FAM185A: variants seen among roughly 807,000 people sequenced by gnomAD.
FAM185A encodes the protein protein FAM185A.
In FAM185A, 21 loss-of-function variants were observed where a neutral mutation model predicts 45.7. The observed-to-expected ratio is 0.46, with a 90% CI of 0.33 to 0.66. The LOEUF is 0.66. Among genes scored for constraint, FAM185A ranks in the 30% least tolerant of loss-of-function variants. The pLI, the probability that FAM185A is intolerant of heterozygous loss-of-function variation, is 0.03. For synonymous variants in FAM185A, 117 were observed against 194.0 expected (o/e 0.60, Z 3.30); for missense variants, 305 against 485.4 (o/e 0.63, Z 3.49).
rs889453028 is a variant in FAM185A at position 102,803,081 on chromosome 7, T to C, written c.1067-5209T>C. Among the ~76,000 whole-genome samples, 6 of 151,846 alleles carry C rather than the reference T, an allele frequency of 4.0e-5. 1 individual carries two copies. In the East Asian group the frequency reaches 9.7e-4, roughly 24 times the overall value. On this transcript the variant is annotated intron_variant, in intron 7 of 7. Transcript: ENST00000413034. ...AAAAGTCCAGGACCAGACTGATTCA[T>C]AGCAGAATTCTACCAGACATTCAAA...
intron 7 of FAM185A, among the ~76,000 whole-genome samples, chr7:102,793,409 AC>A (rs759369201): frequency 7.9e-5 from 12 of 151,904 alleles, no homozygotes; most frequent in Non-Finnish European, 1.6e-4. Flanking sequence ...ACAGGGTTTC[AC>A]CATATTGGCC....
At chr7:102,836,530 T>C in the FAM185A span, among the ~76,000 whole-genome samples, 1 of 152,178 alleles carries the variant, frequency 6.6e-6, no homozygotes, top group African/African-American at 2.4e-5. Context: ...CCTTGGAAAA[T>C]GCAACACTAA....
chr7:102,848,327 C>G, the FAM185A span, among the ~76,000 whole-genome samples: 59 of 46,766 alleles, frequency 1.3e-3, 10 homozygotes, highest in Non-Finnish European at 1.8e-3. Context: ...GAGGCCGAGG[C>G]GGGCGGATCA....
At chr7:102,814,689 T>C in the FAM185A span, among the ~76,000 whole-genome samples, 1 of 152,238 alleles carries the variant, frequency 6.6e-6, no homozygotes, top group South Asian at 2.1e-4. Context: ...TAATTCCTAG[T>C]TTGGAGCCAC....
At chr7:102,781,591 G>C (rs916314198) in intron 6 of FAM185A, among the ~76,000 whole-genome samples, 11 of 152,194 alleles carry the variant, frequency 7.2e-5, no homozygotes, top group African/African-American at 1.4e-4. Context: ...ACCTGCAGCT[G>C]AGGGTCCTGA....
At chr7:102,820,039 A>G in the FAM185A span, among the ~76,000 whole-genome samples, 2 of 152,358 alleles carry the variant, frequency 1.3e-5, no homozygotes, top group African/African-American at 2.4e-5. Context: ...GATGTTGAAC[A>G]TAAAGACAGA....
intron 7 of FAM185A, among the ~76,000 whole-genome samples, chr7:102,798,031 A>G (rs1422844831): frequency 1.3e-5 from 2 of 152,248 alleles, no homozygotes; most frequent in African/African-American, 4.8e-5. Context: ...AATAAAAAGA[A>G]CATAGAGATT....
chr7:102,839,687 C>A, the FAM185A span, among the ~76,000 whole-genome samples: 4 of 152,134 alleles, frequency 2.6e-5, no homozygotes, highest in East Asian at 7.7e-4. Flanking sequence ...CCTCAGGGAT[C>A]CGCCTGCCTC....
intron 7 of FAM185A, among the ~76,000 whole-genome samples, chr7:102,798,212 G>A (rs2539205): frequency 6.6e-6 from 1 of 152,120 alleles, no homozygotes. Flanking sequence ...ATTGGCAAAG[G>A]GAAGTAAATA....
At chr7:102,846,962 A>G in the FAM185A span, among the ~76,000 whole-genome samples, 4 of 152,138 alleles carry the variant, frequency 2.6e-5, no homozygotes, top group Non-Finnish European at 4.4e-5. Context: ...TGGTGTTTAT[A>G]TATTTTGAAT....
At chr7:102,844,353 C>T in the FAM185A span, among the ~76,000 whole-genome samples, 2 of 152,176 alleles carry the variant, frequency 1.3e-5, no homozygotes, top group Admixed American at 1.3e-4. Flanking sequence ...TAAAACTGCA[C>T]AGGACCCATA....
At chr7:102,815,805 T>TGA in the FAM185A span, among the ~76,000 whole-genome samples, 1 of 152,004 alleles carries the variant, frequency 6.6e-6, no homozygotes, top group Non-Finnish European at 1.5e-5. Flanking sequence ...GTGTAAATAT[T>TGA]GAGTCCTATG....
chr7:102,751,690 A>G lies in FAM185A; in HGVS notation c.452-2A>G. On this transcript the variant is annotated splice_acceptor_variant, in intron 1 of 7. Transcript: ENST00000413034. LOFTEE classifies it high-confidence loss of function. ...CTTGCTTTTTTCTTTTTTTACTTCTAGGTTTAGATATCAAGTCATCAGGGT... is the reference window on the plus strand; with the variant it reads ...CTTGCTTTTTTCTTTTTTTACTTCTGGGTTTAGATATCAAGTCATCAGGGT... The G allele has an allele frequency of 6.5e-7, 1 of 1,534,352 alleles. No homozygotes were observed. The highest frequency in any genetic ancestry group is 1.4e-5 in the African/African-American group (1 of 71,610).
At chr7:102,795,469 T>G (rs1796391690) in intron 7 of FAM185A, among the ~76,000 whole-genome samples, 1 of 151,738 alleles carries the variant, frequency 6.6e-6, no homozygotes, top group Non-Finnish European at 1.5e-5. Flanking sequence ...ACAAAAAAAT[T>G]TAAAAATTAA....
chr7:102,833,351 T>C, the FAM185A span, among the ~76,000 whole-genome samples: 4 of 151,952 alleles, frequency 2.6e-5, no homozygotes, highest in Admixed American at 2.0e-4. Context: ...TTCTTTGGAA[T>C]CAGACAGACC....
the FAM185A span, among the ~76,000 whole-genome samples, chr7:102,849,837 G>A: frequency 1.3e-5 from 2 of 151,942 alleles, no homozygotes; most frequent in Non-Finnish European, 2.9e-5. Flanking sequence ...CCAAAAGCAG[G>A]GAGGAGAAAA....
At position 102,758,844 on chromosome 7, in the gene FAM185A, T is replaced by C. The variant is rs552582222; in HGVS notation, c.654+898T>C. ...TTCCATCACCTTCCTACAAATTTGC[T>C]ATATTCCATGGTCACTTTATTTTCA... On this transcript the variant is annotated intron_variant, in intron 3 of 7. Transcript: ENST00000413034. Among the ~76,000 whole-genome samples, 13 of 129,842 alleles carry C rather than the reference T, an allele frequency of 1.0e-4. No homozygotes were observed. In the South Asian group the frequency reaches 2.8e-3, roughly 28 times the overall value. 85.2% of individuals were successfully genotyped at this position (129,842 alleles called of 152,430 possible).
At position 102,808,305 on chromosome 7, in the gene FAM185A, C is replaced by T. The variant is rs1797253209; in HGVS notation, c.1082C>T (p.Ala361Val). 3 of 1,551,484 alleles carry T rather than the reference C, an allele frequency of 1.9e-6. No homozygotes were observed. The African/African-American group carries it at 4.1e-5, about 21-fold the overall frequency. Residue 361 changes from alanine to valine, a missense_variant, in exon 8 of 8, where the codon GCA becomes GTA. Transcript: ENST00000413034. ...VVTVTGLMNQ[A>V]SKREKWIKAD... is the part of the protein sequence containing the mutation. ...TGTGTTTTAGGACTCATGAATCAAG[C>T]AAGCAAACGTGAAAAATGGATTAAG...
At chr7:102,850,639 T>C in the FAM185A span, among the ~76,000 whole-genome samples, 2 of 152,338 alleles carry the variant, frequency 1.3e-5, no homozygotes, top group African/African-American at 4.8e-5. Context: ...TTTAGAGGAA[T>C]CTTTCAACTT....
Sources: gnomAD v4.1 joint callset for allele counts (sites outside exome capture counted in the v4.1 genomes callset) on GRCh38, gnomAD v4.1.1 for gene constraint, MANE v1.5 for transcripts, NCBI Gene and HGNC (gene_info 2026-07-23, HGNC 2026-07-21) for gene names.